The following RIF1 variants were observed in gnomAD, a reference collection of about 807,000 sequenced individuals.
RIF1 encodes telomere-associated protein RIF1.
Under a neutral mutation model 247.1 loss-of-function variants are expected in RIF1, and 45 were observed. The ratio of observed to expected loss-of-function variants is 0.18; its 90% CI spans 0.14 to 0.23. RIF1 has a LOEUF of 0.23. Ranked by LOEUF, RIF1 falls within the 10% of genes least tolerant of loss-of-function variation. RIF1 has a pLI of 1.00. For synonymous variants in RIF1, 1,087 were observed against 978.8 expected, an observed-to-expected ratio of 1.11 and a Z score of -2.06; for missense variants, 2,967 against 2,862.5, an observed-to-expected ratio of 1.04 and a Z score of -0.83.
At position 151,466,093 on chromosome 2, in the gene RIF1, A is replaced by C; in HGVS notation, c.6573A>C (p.Glu2191Asp). 3 of 1,592,342 alleles carry C rather than the reference A, an allele frequency of 1.9e-6. No individual in the cohort carries two copies. Among genetic ancestry groups the C allele is most frequent in the Non-Finnish European group, 2.6e-6 (3 of 1,167,336 alleles). ...AGAGAGGACTAAAAAGATCCCAAGA[A>C]GATGAAATCTCATCACCTGTTAATA... ...ILKRGLKRSQEDEISSPVNKV... is the reference protein window; with the variant it reads ...ILKRGLKRSQDDEISSPVNKV... Residue 2191 changes from glutamate to aspartate, a missense_variant, in exon 30 of 36, where the codon GAA (glutamate) becomes GAC (aspartate). Coordinates refer to ENST00000444746, the MANE Select transcript of RIF1 (RefSeq NM_018151.5).
intron 3 of RIF1, among the ~76,000 whole-genome samples, 155 bp downstream of exon 3, chr2:151,411,493 C>T (rs1461310509): frequency 6.6e-6 from 1 of 151,968 alleles, no homozygotes; most frequent in Non-Finnish European, 1.5e-5. Flanking sequence ...ACCTCCGCCT[C>T]TCGGGTTCAA....
intron 14 of RIF1, among the ~76,000 whole-genome samples, chr2:151,439,667 CAAAAA>C (rs34523432): frequency 9.1e-6 from 1 of 109,940 alleles, no homozygotes; most frequent in Non-Finnish European, 1.9e-5. Flanking sequence ...GAAACTCCAT[CAAAAA>C]AAAAAAAAAA....
chr2:151,423,980 A>G (rs1477784029), intron 8 of RIF1, among the ~76,000 whole-genome samples: 1 of 152,148 alleles, frequency 6.6e-6, no homozygotes, highest in Non-Finnish European at 1.5e-5. Context: ...GCACCCAGAC[A>G]TCACCCTTTG....
Position 151,409,985 on chromosome 2 carries a change from T to C in RIF1, c.-59T>C, listed in dbSNP as rs1391319444. ...GGGAAAGTCGAGCTCTGGCAGCGTC[T>C]GGGTGCTGAGGGGCAGAGGCGGAGA... On this transcript the variant is annotated 5_prime_UTR_variant, in exon 1 of 36. Transcript: ENST00000444746. 2.8e-6 allele frequency: 2 copies of C among 702,426 alleles called. No homozygotes were observed. Among genetic ancestry groups the C allele is most frequent in the Non-Finnish European group, 5.2e-6 (2 of 384,736 alleles). 43.5% of individuals were successfully genotyped at this position (702,426 alleles called of 1,614,324 possible).
downstream of RIF1, chr2:151,486,197 A>G (rs367587065): frequency 2.2e-5 from 8 of 371,398 alleles, no homozygotes; most frequent in South Asian, 4.2e-4. Flanking sequence ...AAGGATATGA[A>G]TAGACATTTC....
intron 7 of RIF1, among the ~76,000 whole-genome samples, chr2:151,421,184 TG>T (rs747484098): frequency 4.6e-5 from 7 of 152,204 alleles, no homozygotes; most frequent in Admixed American, 6.5e-5. Flanking sequence ...AGAGGCTTGA[TG>T]GAGCTTATTT....
chr2:151,435,335 G>T, intron 10 of RIF1, 128 bp from the exon 11 acceptor site: 1 of 635,664 alleles, frequency 1.6e-6, no homozygotes. Flanking sequence ...TAGCCTGTTT[G>T]TGCATGGAAA....
intron 18 of RIF1, among the ~76,000 whole-genome samples, 164 bp downstream of exon 18, chr2:151,443,873 C>T (rs1692784929): frequency 6.6e-6 from 1 of 152,058 alleles, no homozygotes; most frequent in Non-Finnish European, 1.5e-5. Flanking sequence ...TGCATTTCTC[C>T]CTCACTGGTA....
chr2:151,476,897 A>G lies in RIF1; in HGVS notation c.*1826A>G, dbSNP rs570833446. 1 of 152,290 alleles carries G rather than the reference A, an allele frequency of 6.6e-6. No individual in the cohort carries two copies. Among genetic ancestry groups the G allele is most frequent in the South Asian group, 2.1e-4 (1 of 4,822 alleles). The allele number at this position is 152,290 out of a possible 1,614,324, so 9.4% of individuals were successfully genotyped here. ...ATTACTTTAACACACTTCAGAATTA[A>G]AATCAGTTCGTTTCATGACTCTGTG... On this transcript the variant is annotated 3_prime_UTR_variant, in exon 36 of 36. Coordinates refer to ENST00000444746, the MANE Select transcript of RIF1 (RefSeq NM_018151.5).
At chr2:151,532,384 A>T in the RIF1 span, among the ~76,000 whole-genome samples, 1 of 152,200 alleles carries the variant, frequency 6.6e-6, no homozygotes, top group South Asian at 2.1e-4. Context: ...AACATGTACA[A>T]TCTCCAAAGG....
Position 151,465,794 on chromosome 2 carries a change from A to G in RIF1, c.6274A>G (p.Ser2092Gly). 6.2e-7 allele frequency: 1 copy of G among 1,613,124 alleles called. No individual in the cohort carries two copies. Among genetic ancestry groups the G allele is most frequent in the Non-Finnish European group, 8.5e-7 (1 of 1,179,078 alleles). ...TAAAACTGAAACAAATACTGAGTAT[A>G]GTAAATCTGAAGAAAAATTAGATAA... ...ANKTETNTEY[S>G]KSEEKLDNNQ... The change falls in exon 30 of 36, where the codon AGT becomes GGT. Residue 2092 changes from serine (S) to glycine (G), a missense_variant. This residue lies in a region of RIF1 where 2,028 missense variants were observed against 1,825.6 expected (regional missense o/e 1.11). Coordinates refer to ENST00000444746, the MANE Select transcript of RIF1 (RefSeq NM_018151.5).
rs1553561697 is a variant in RIF1, at chr2:151,499,391, C to G, written c.*560C>G. 2 of 1,507,564 alleles carry G rather than the reference C, an allele frequency of 1.3e-6. No individual in the cohort carries two copies. Among genetic ancestry groups the G allele is most frequent in the African/African-American group, 2.8e-5 (2 of 71,996 alleles). 93.4% of individuals were successfully genotyped at this position (1,507,564 alleles called of 1,614,324 possible). A position where few individuals can be genotyped will look rare whatever the true frequency, so the allele number is the denominator to read the frequency against. ...TTCCAACGTTTTCTTTATACAACAC[C>G]TGTATGACACAAGAAAGCATCCAGA... On this transcript the variant is annotated 3_prime_UTR_variant and NMD_transcript_variant, in exon 11 of 14. Coordinates refer to the RIF1 transcript ENST00000454583.
Position 151,501,333 on chromosome 2 carries a change from C to CTGTT in RIF1, c.*710-1699_*710-1696dup, listed in dbSNP as rs547833033. On this transcript the variant is annotated intron_variant and NMD_transcript_variant, in intron 11 of 13. Transcript: ENST00000454583. ...ATAAAGGGATGAACAGTGAGATGTT[C>CTGTT]TGTTTTGTAGAAATTATTATTTTTT... is the stretch of plus-strand genomic sequence containing the variant. 3.6e-4 allele frequency: 420 copies of CTGTT among 1,160,038 alleles called. 1 individual carries two copies. In the African/African-American group the frequency reaches 5.9e-3, roughly 16 times the overall value. 71.9% of individuals were successfully genotyped at this position (1,160,038 alleles called of 1,614,324 possible).
intron 26 of RIF1, 81 bp downstream of exon 26, chr2:151,460,200 G>GAC: frequency 8.9e-7 from 1 of 1,129,160 alleles, no homozygotes; most frequent in Non-Finnish European, 1.2e-6. Flanking sequence ...TTGGATGAAA[G>GAC]AACTATAAAA....
At chr2:151,432,574 G>A (rs568762836) in intron 9 of RIF1, among the ~76,000 whole-genome samples, 10 of 152,252 alleles carry the variant, frequency 6.6e-5, no homozygotes, top group South Asian at 6.2e-4. Context: ...TAAAATGATA[G>A]CCTTTTTTGA....
intron 26 of RIF1, 51 bp from the exon 27 acceptor site, chr2:151,461,087 A>G (rs769972425): frequency 6.5e-7 from 1 of 1,536,130 alleles, no homozygotes; most frequent in Admixed American, 1.9e-5. Context: ...AAATATTGGA[A>G]AATAATTTGG....
At position 151,490,032 on chromosome 2, in the gene RIF1, G is replaced by A. The variant is rs1337253481; in HGVS notation, c.*416-5197G>A. Reference sequence around the variant, plus strand: ...CGTTGTCTGTTGGGTAGCAACTGAAGATGATCGTTGTTGTGGGAGCTCTGT... The same window carrying A: ...CGTTGTCTGTTGGGTAGCAACTGAAAATGATCGTTGTTGTGGGAGCTCTGT... On this transcript the variant is annotated intron_variant and NMD_transcript_variant, in intron 9 of 13. Coordinates refer to the RIF1 transcript ENST00000454583. 7.4e-6 allele frequency: 12 copies of A among 1,613,588 alleles called. No homozygotes were observed. Among genetic ancestry groups the A allele is most frequent in the African/African-American group, 4.0e-5 (3 of 74,900 alleles).
chr2:151,531,078 G>A, the RIF1 span: 10,487 of 1,611,652 alleles, frequency 6.5e-3, 306 homozygotes, highest in East Asian at 0.088. Context: ...GTTTGGCCTT[G>A]TTGTATTCCA....
the RIF1 span, chr2:151,518,235 T>C: frequency 1.0e-6 from 1 of 973,384 alleles, no homozygotes; most frequent in East Asian, 2.4e-5. Flanking sequence ...TCTCAAACAA[T>C]GGAGGGAATC....
Sources: gnomAD v4.1 joint callset for allele counts (sites outside exome capture counted in the v4.1 genomes callset) on GRCh38, gnomAD v4.1.1 for gene constraint, gnomAD v4.1.1 regional missense constraint, MANE v1.5 for transcripts, NCBI Gene and HGNC (gene_info 2026-07-23, HGNC 2026-07-21) for gene names.